DZIP1: variants seen among roughly 807,000 people sequenced by gnomAD.
DZIP1 encodes DAZ interacting zinc finger protein 1.
Under a neutral mutation model 107.6 loss-of-function variants are expected in DZIP1, and 97 were observed. That is an observed-to-expected ratio of 0.90 (90% CI 0.77 to 1.07). DZIP1 has a LOEUF of 1.07. Among genes scored for constraint, DZIP1 ranks in the 50% least tolerant of loss-of-function variants. The probability of loss-of-function intolerance (pLI) is 0.00; values close to 1 mark genes in which losing one functional copy is unlikely to be tolerated. For synonymous variants in DZIP1, 390 were observed against 386.4 expected, an observed-to-expected ratio of 1.01 and a Z score of -0.11; for missense variants, 1,035 against 1,063.6, an observed-to-expected ratio of 0.97 and a Z score of 0.37.
intron 10 of DZIP1, among the ~76,000 whole-genome samples, chr13:95,614,247 G>A (rs577366576): frequency 6.6e-6 from 1 of 151,878 alleles, no homozygotes; most frequent in African/African-American, 2.4e-5. Context: ...AAGATTTTCC[G>A]AGTGAAACCT....
intron 14 of DZIP1, among the ~76,000 whole-genome samples, chr13:95,605,496 A>G (rs554563497): frequency 1.1e-4 from 17 of 152,354 alleles, no homozygotes; most frequent in African/African-American, 4.1e-4. Flanking sequence ...GAACCCTGGT[A>G]ATGATTTCAC....
intron 13 of DZIP1, among the ~76,000 whole-genome samples, chr13:95,608,735 G>A (rs1358809887): frequency 1.3e-5 from 2 of 152,114 alleles, no homozygotes; most frequent in South Asian, 2.1e-4. Context: ...CCAGCCAATA[G>A]TGCCAAATTC....
At chr13:95,636,165 C>A (rs1490449943) in intron 5 of DZIP1, among the ~76,000 whole-genome samples, 2 of 146,402 alleles carry the variant, frequency 1.4e-5, no homozygotes, top group Admixed American at 6.9e-5. Flanking sequence ...TTTTAAAAAA[C>A]CAGAATGAGT....
In DZIP1 at chr13:95,611,995, G is replaced by A. The variant is rs117660700; in HGVS notation, c.1314+42C>T. On this transcript the variant is annotated intron_variant, in intron 11 of 22. Coordinates refer to ENST00000376829, the MANE Select transcript of DZIP1 (RefSeq NM_198968.4). ...AAACACATGTTCTTAGATAGACTGC[G>A]TTGCTTAAAGAAGCACGGTGCCACA... 14,097 of 1,601,626 alleles carry A rather than the reference G, an allele frequency of 8.8e-3. 75 individuals are homozygous for A. The highest frequency in any genetic ancestry group is 0.014 in the South Asian group (1,236 of 88,900).
rs1017635561 is a variant in DZIP1, at chr13:95,581,049, T to A, written c.*1185A>T. 1 of 152,224 alleles carries A rather than the reference T, an allele frequency of 6.6e-6. No individual in the cohort carries two copies. Among genetic ancestry groups the A allele is most frequent in the Admixed American group, 6.5e-5 (1 of 15,280 alleles). The allele number at this position is 152,224 out of a possible 1,614,324, so 9.4% of individuals were successfully genotyped here. Reference sequence around the variant, plus strand: ...AGCAATCAAGGCCAGATTCTCCCTCTGTAAGACCCCTAATAAGTACAAATT... The same window carrying A: ...AGCAATCAAGGCCAGATTCTCCCTCAGTAAGACCCCTAATAAGTACAAATT... On this transcript the variant is annotated 3_prime_UTR_variant, in exon 23 of 23. Transcript: ENST00000376829.
intron 14 of DZIP1, among the ~76,000 whole-genome samples, chr13:95,600,625 T>TAGACAGAC (rs1453410238): frequency 0.057 from 7,054 of 124,692 alleles, 206 homozygotes; most frequent in African/African-American, 0.099. Flanking sequence ...GATAGATAGA[T>TAGACAGAC]AGATAGACAG....
At chr13:95,590,679 G>A (rs538453129) in intron 16 of DZIP1, among the ~76,000 whole-genome samples, 3 of 152,382 alleles carry the variant, frequency 2.0e-5, no homozygotes, top group East Asian at 1.9e-4. Flanking sequence ...TGTGTCATAA[G>A]GACCCAATGA....
chr13:95,629,470 T>A (rs1009581713), intron 7 of DZIP1, among the ~76,000 whole-genome samples: 1 of 152,090 alleles, frequency 6.6e-6, no homozygotes, highest in Non-Finnish European at 1.5e-5. Context: ...CAACCCTCTG[T>A]TGGTGGCTTT....
At chr13:95,600,351 G>A (rs2044577085) in intron 14 of DZIP1, among the ~76,000 whole-genome samples, 1 of 152,088 alleles carries the variant, frequency 6.6e-6, no homozygotes, top group Non-Finnish European at 1.5e-5. Context: ...CCTCCAAGGG[G>A]GAGGTCATTT....
chr13:95,583,806 A>C (rs2138734529), intron 22 of DZIP1, among the ~76,000 whole-genome samples: 1 of 152,154 alleles, frequency 6.6e-6, no homozygotes, highest in South Asian at 2.1e-4. Flanking sequence ...TCATGAAGAG[A>C]ATACGTGTAT....
At chr13:95,620,732 T>TA (rs1875721776) in intron 9 of DZIP1, among the ~76,000 whole-genome samples, 1 of 152,142 alleles carries the variant, frequency 6.6e-6, no homozygotes, top group Non-Finnish European at 1.5e-5. Flanking sequence ...TTTGCCAACC[T>TA]AAGAGGCCAA....
chr13:95,611,730 C>T (rs2045013601), intron 11 of DZIP1, among the ~76,000 whole-genome samples: 2 of 152,110 alleles, frequency 1.3e-5, no homozygotes, highest in African/African-American at 4.8e-5. Context: ...AATAAAATAA[C>T]AAAAAATCTT....
At position 95,582,221 on chromosome 13, in the gene DZIP1, C is replaced by T; in HGVS notation, c.*13G>A. ...TACTGCTGGCTTCTGGAATAATCTTCTGACATGTGGAATTAGACATCTGAA... is the reference window on the plus strand; with the variant it reads ...TACTGCTGGCTTCTGGAATAATCTTTTGACATGTGGAATTAGACATCTGAA... On this transcript the variant is annotated 3_prime_UTR_variant, in exon 23 of 23. Coordinates refer to ENST00000376829, the MANE Select transcript of DZIP1 (RefSeq NM_198968.4). 6.2e-7 allele frequency: 1 copy of T among 1,612,942 alleles called. No individual in the cohort carries two copies. Among genetic ancestry groups the T allele is most frequent in the Non-Finnish European group, 8.5e-7 (1 of 1,178,966 alleles).
intron 6 of DZIP1, among the ~76,000 whole-genome samples, chr13:95,631,485 C>T (rs1388597163): frequency 2.0e-5 from 3 of 151,462 alleles, no homozygotes; most frequent in Admixed American, 6.6e-5. Flanking sequence ...AAACAAAAAA[C>T]GATAAAAATA....
At chr13:95,599,309 G>A (rs1200704204) in intron 15 of DZIP1, 56 bp downstream of exon 15, 2 of 1,484,818 alleles carry the variant, frequency 1.3e-6, no homozygotes, top group Admixed American at 1.7e-5. Context: ...TCCAGGCCTA[G>A]ATTTTGGCAT....
intron 7 of DZIP1, among the ~76,000 whole-genome samples, chr13:95,625,186 T>A (rs557080921): frequency 6.6e-6 from 1 of 152,212 alleles, no homozygotes; most frequent in Non-Finnish European, 1.5e-5. Context: ...GCTTTTTGTG[T>A]TCTATGAACT....
chr13:95,621,298 C>T (rs140667659), intron 9 of DZIP1, among the ~76,000 whole-genome samples: 2,203 of 152,250 alleles, frequency 0.014, 40 homozygotes, highest in African/African-American at 0.05. Flanking sequence ...AAGCAAAGAA[C>T]AGAGAAAGAT....
rs2043977906 is a variant in DZIP1 at position 95,579,040 on chromosome 13, C to A, written c.*3194G>T. On this transcript the variant is annotated 3_prime_UTR_variant, in exon 23 of 23. Coordinates refer to ENST00000376829, the MANE Select transcript of DZIP1 (RefSeq NM_198968.4). Reference sequence around the variant, plus strand: ...TAAAACCTGTTTATGCCTAGTGTTCCATTATTGGAACACTAAGCATGTGGG... The same window carrying A: ...TAAAACCTGTTTATGCCTAGTGTTCAATTATTGGAACACTAAGCATGTGGG... 6.6e-6 allele frequency: 1 copy of A among 152,130 alleles called. No individual in the cohort carries two copies. Among genetic ancestry groups the A allele is most frequent in the Admixed American group, 6.5e-5 (1 of 15,270 alleles). The allele number at this position is 152,130 out of a possible 1,614,324, so 9.4% of individuals were successfully genotyped here. A position where few individuals can be genotyped will look rare whatever the true frequency, so the allele number is the denominator to read the frequency against.
chr13:95,641,622 C>T lies in DZIP1; in HGVS notation c.270G>A (p.Gln90=), dbSNP rs753257626. ...VAGAVDVLTL[Q]ENIMNITFCK... ...AGAAGGTGATGTTCATGATGTTCTC[C>T]TGCAGCGTCAGCACGTCCACAGCCC... Residue 90 remains glutamine (Q), a synonymous_variant, in exon 5 of 23, where the codon CAG becomes CAA. Coordinates refer to ENST00000376829, the MANE Select transcript of DZIP1 (RefSeq NM_198968.4). This position sits in a 1 kb window ranked among gnomAD's most constrained non-coding sequence, Gnocchi z 4.3. 5.1e-5 allele frequency: 82 copies of T among 1,611,878 alleles called. No homozygotes were observed. The highest frequency in any genetic ancestry group is 6.7e-5 in the Non-Finnish European group (79 of 1,180,050).
Sources: gnomAD v4.1 joint callset for allele counts (sites outside exome capture counted in the v4.1 genomes callset) on GRCh38, gnomAD v4.1.1 for gene constraint, Gnocchi (gnomAD v3.1) non-coding constraint, MANE v1.5 for transcripts, NCBI Gene and HGNC (gene_info 2026-07-23, HGNC 2026-07-21) for gene names.